Variants in IGSF21 observed in about 807,000 individuals in gnomAD.
IGSF21 encodes the protein immunoglobin superfamily member 21, also known as immunoglobulin superfamily member 21.
Under a neutral mutation model 46.8 loss-of-function variants are expected in IGSF21, and 28 were observed. The observed-to-expected ratio is 0.60, with a 90% CI of 0.44 to 0.82. The LOEUF (loss-of-function observed/expected upper bound fraction) is 0.82, where lower values mean the gene tolerates loss of function less well. Among genes scored for constraint, IGSF21 ranks in the 40% least tolerant of loss-of-function variants. IGSF21 has a pLI of 0.00. For synonymous variants in IGSF21, 284 were observed against 273.6 expected (o/e 1.04, Z -0.38); for missense variants, 624 against 665.5 (o/e 0.94, Z 0.69).
intron 2 of IGSF21, among the ~76,000 whole-genome samples, chr1:18,282,689 C>T (rs957548061): frequency 1.5e-4 from 23 of 151,956 alleles, no homozygotes; most frequent in South Asian, 2.1e-4. Context: ...CACCCTTTCC[C>T]GGAGTGAGGA....
At chr1:18,279,255 A>T (rs1048390497) in intron 2 of IGSF21, among the ~76,000 whole-genome samples, 5 of 152,170 alleles carry the variant, frequency 3.3e-5, no homozygotes, top group Admixed American at 2.0e-4. Flanking sequence ...AATTCTCTCT[A>T]GCTGATACAT....
intron 1 of IGSF21, among the ~76,000 whole-genome samples, chr1:18,199,718 T>G (rs2087049256): frequency 6.6e-6 from 1 of 152,116 alleles, no homozygotes. Context: ...TCACCTCGGC[T>G]GCAAAGCTCC....
At chr1:18,173,911 G>A (rs886392785) in intron 1 of IGSF21, among the ~76,000 whole-genome samples, 4 of 151,950 alleles carry the variant, frequency 2.6e-5, no homozygotes, top group East Asian at 1.9e-4. Context: ...GTGCCACCAC[G>A]CCCAGCTAAT....
chr1:18,115,200 G>C (rs896316620), intron 1 of IGSF21: 2 of 152,396 alleles, frequency 1.3e-5, no homozygotes, highest in African/African-American at 4.8e-5. Flanking sequence ...CCCTCAGCTA[G>C]CACAGTCCCT....
chr1:18,323,508 C>T (rs1203310968), intron 3 of IGSF21, among the ~76,000 whole-genome samples: 3 of 152,190 alleles, frequency 2.0e-5, no homozygotes, highest in Non-Finnish European at 2.9e-5. Context: ...CTCGTTCTCA[C>T]CCTTCAAGGT....
intron 3 of IGSF21, among the ~76,000 whole-genome samples, chr1:18,301,600 A>G (rs763569147): frequency 2.6e-5 from 4 of 152,192 alleles, no homozygotes; most frequent in Non-Finnish European, 5.9e-5. Context: ...CTTGGCCTCC[A>G]AAGTGCTGGG....
At chr1:18,295,595 G>A (rs1484319601) in intron 3 of IGSF21, among the ~76,000 whole-genome samples, 1 of 152,192 alleles carries the variant, frequency 6.6e-6, no homozygotes, top group Non-Finnish European at 1.5e-5. Context: ...GGTGGCACTT[G>A]GGTGGAGAAC....
chr1:18,271,216 A>G (rs1265108195), intron 2 of IGSF21, among the ~76,000 whole-genome samples: 1 of 152,096 alleles, frequency 6.6e-6, no homozygotes, highest in Non-Finnish European at 1.5e-5. Flanking sequence ...ATACCATTCC[A>G]TCTCTGAGTG....
Position 18,377,007 on chromosome 1 carries a change from A to C in IGSF21, c.1294+15A>C, listed in dbSNP as rs369391534. The C allele has an allele frequency of 6.3e-7, 1 of 1,576,078 alleles. No individual in the cohort carries two copies. The highest frequency in any genetic ancestry group is 8.7e-7 in the Non-Finnish European group (1 of 1,155,292). ...CATCGTGTTTGGTATGGCGCGCTCA[A>C]CTGGGGACTGGGAGAACAACCACAG... On this transcript the variant is annotated intron_variant, in intron 8 of 9. Transcript: ENST00000251296.
chr1:18,224,077 G>A (rs537191740), intron 1 of IGSF21, among the ~76,000 whole-genome samples: 1 of 152,136 alleles, frequency 6.6e-6, no homozygotes, highest in Non-Finnish European at 1.5e-5. Flanking sequence ...AGGTGCACAG[G>A]GGGTAACATT....
intron 3 of IGSF21, among the ~76,000 whole-genome samples, chr1:18,327,756 C>T (rs933040637): frequency 3.3e-5 from 5 of 152,094 alleles, no homozygotes; most frequent in African/African-American, 1.2e-4. Context: ...TATAAAAGGG[C>T]ACAAGGAGCT....
intron 1 of IGSF21, among the ~76,000 whole-genome samples, chr1:18,129,186 A>T (rs2086297961): frequency 6.6e-6 from 1 of 152,164 alleles, no homozygotes; most frequent in Non-Finnish European, 1.5e-5. Context: ...GAGAGGCAGG[A>T]GAATTCCTCA....
At chr1:18,239,132 G>A (rs2084700775) in intron 2 of IGSF21, among the ~76,000 whole-genome samples, 1 of 152,152 alleles carries the variant, frequency 6.6e-6, no homozygotes, top group South Asian at 2.1e-4. Context: ...AGCCCAAAGT[G>A]TGATTTCCAG....
intron 3 of IGSF21, among the ~76,000 whole-genome samples, chr1:18,298,977 G>A (rs1367174076): frequency 2.0e-5 from 3 of 152,210 alleles, no homozygotes; most frequent in Non-Finnish European, 4.4e-5. Context: ...GATAAAACAC[G>A]AGATAAATAG....
intron 1 of IGSF21, among the ~76,000 whole-genome samples, chr1:18,146,093 A>G (rs2124429547): frequency 6.6e-6 from 1 of 152,282 alleles, no homozygotes; most frequent in East Asian, 1.9e-4. Context: ...ATCCATCTAA[A>G]GGAGAGAAAA....
intron 1 of IGSF21, among the ~76,000 whole-genome samples, chr1:18,135,838 C>T (rs1215423349): frequency 6.6e-6 from 1 of 152,214 alleles, no homozygotes; most frequent in Non-Finnish European, 1.5e-5. Context: ...AATCACCACA[C>T]CGACTTCCAC....
chr1:18,305,678 A>T (rs928505993), intron 3 of IGSF21, among the ~76,000 whole-genome samples: 6 of 152,246 alleles, frequency 3.9e-5, no homozygotes, highest in Non-Finnish European at 7.3e-5. Context: ...GTCAAGGAAA[A>T]GAAGTCATCT....
chr1:18,229,032 G>T (rs1452900693), intron 2 of IGSF21, among the ~76,000 whole-genome samples: 4 of 152,080 alleles, frequency 2.6e-5, no homozygotes, highest in Non-Finnish European at 5.9e-5. Context: ...GATTAAAAAA[G>T]GTAAAAACTG....
chr1:18,315,795 T>A (rs540963341), intron 3 of IGSF21, among the ~76,000 whole-genome samples: 1 of 145,278 alleles, frequency 6.9e-6, no homozygotes, highest in Admixed American at 7.0e-5. Context: ...AGTGAATGAA[T>A]GGATGGATGG....
Sources: gnomAD v4.1 joint callset for allele counts (sites outside exome capture counted in the v4.1 genomes callset) on GRCh38, gnomAD v4.1.1 for gene constraint, MANE v1.5 for transcripts, NCBI Gene and HGNC (gene_info 2026-07-23, HGNC 2026-07-21) for gene names.